KHDC1: variants seen among roughly 807,000 people sequenced by gnomAD.
The protein encoded by KHDC1 is KH homology domain-containing protein 1.
KHDC1 carries 21 observed loss-of-function variants against 24.7 expected under a neutral mutation model. The observed-to-expected ratio is 0.85, with a 90% CI of 0.60 to 1.23. The LOEUF is 1.23. Among genes scored for constraint, KHDC1 ranks in the 50% most tolerant of loss-of-function variants. The probability of loss-of-function intolerance (pLI) is 0.00; values close to 1 mark genes in which losing one functional copy is unlikely to be tolerated. For missense variants in KHDC1, 274 were observed against 298.5 expected (o/e 0.92, Z 0.61); for synonymous variants, 98 against 111.7 (o/e 0.88, Z 0.77).
At chr6:73,268,796 C>G (rs931473305) in intron 2 of KHDC1, 1 of 152,742 alleles carries the variant, frequency 6.5e-6, no homozygotes, top group African/African-American at 2.4e-5. Flanking sequence ...GACTCAGGAG[C>G]CCAGCTGGCT....
intron 2 of KHDC1, among the ~76,000 whole-genome samples, chr6:73,244,237 G>C (rs1282324878): frequency 3.3e-5 from 5 of 152,190 alleles, no homozygotes; most frequent in Non-Finnish European, 7.3e-5. Flanking sequence ...AAAAAGTAGT[G>C]CCTTAGTTTC....
intron 2 of KHDC1, 83 bp downstream of exon 1, chr6:73,262,691 C>A: frequency 1.0e-6 from 1 of 973,184 alleles, no homozygotes; most frequent in Non-Finnish European, 1.2e-6. Flanking sequence ...TTTTACACTT[C>A]TTTGCAGCTC....
chr6:73,261,009 C>T (rs1350850087), intron 2 of KHDC1, among the ~76,000 whole-genome samples: 1 of 152,090 alleles, frequency 6.6e-6, no homozygotes, highest in African/African-American at 2.4e-5. Flanking sequence ...CATTTTTGTT[C>T]TATGAAACAT....
At chr6:73,260,489 T>A (rs1013267144) in intron 2 of KHDC1, among the ~76,000 whole-genome samples, 1 of 152,172 alleles carries the variant, frequency 6.6e-6, no homozygotes, top group Non-Finnish European at 1.5e-5. Flanking sequence ...TAAACTATTA[T>A]GCAAAAAAAG....
At chr6:73,309,806 C>A in exon 1 of KHDC1, 1 of 1,431,212 alleles carries the variant, frequency 7.0e-7, no homozygotes, top group South Asian at 1.3e-5. Context: ...CGGGAAGAGA[C>A]CAGACACCGA....
intron 2 of KHDC1, among the ~76,000 whole-genome samples, chr6:73,277,479 C>G (rs1767319102): frequency 6.6e-6 from 1 of 152,052 alleles, no homozygotes; most frequent in Admixed American, 6.6e-5. Context: ...AAAAACAGAA[C>G]AAGTCTGTCA....
chr6:73,247,573 C>T (rs183263271), intron 2 of KHDC1, among the ~76,000 whole-genome samples: 44 of 151,996 alleles, frequency 2.9e-4, no homozygotes, highest in East Asian at 9.8e-4. Context: ...ATCAAGTGGA[C>T]GGCCGGGCAC....
At position 73,264,072 on chromosome 6, in the gene KHDC1, G is replaced by A. The variant is rs137976993; in HGVS notation, c.207-21542C>T. 1.1e-3 allele frequency among the ~76,000 whole-genome samples: 170 copies of A among 152,238 alleles called. No homozygotes were observed. In the East Asian group the frequency reaches 0.016, roughly 14 times the overall value. ...AAATCAGCTGGGCATGGTGGTGCAC[G>A]CCTGTAGCCCAAGCTATATGGGAAG... On this transcript the variant is annotated intron_variant, in intron 2 of 4. Transcript: ENST00000370384.
At chr6:73,270,965 C>T (rs1468562307) in intron 2 of KHDC1, among the ~76,000 whole-genome samples, 3 of 152,086 alleles carry the variant, frequency 2.0e-5, no homozygotes, top group African/African-American at 4.8e-5. Flanking sequence ...GCTGGGATTA[C>T]AAGCGTGAGC....
exon 1 of KHDC1, chr6:73,309,622 G>A (rs1768041876): frequency 6.5e-7 from 1 of 1,549,692 alleles, no homozygotes; most frequent in Non-Finnish European, 8.7e-7. Flanking sequence ...TCTGGAGAAA[G>A]GGCCATCCAT....
intron 1 of KHDC1, chr6:73,299,323 C>A (rs1767819542): frequency 6.6e-6 from 1 of 152,300 alleles, no homozygotes; most frequent in Non-Finnish European, 1.5e-5. Context: ...GCAGCCGCCC[C>A]TGCTGAAGGG....
chr6:73,272,432 G>A (rs186109673), intron 2 of KHDC1, among the ~76,000 whole-genome samples: 4 of 151,450 alleles, frequency 2.6e-5, no homozygotes, highest in African/African-American at 9.7e-5. Flanking sequence ...ACCGCGCCCA[G>A]CCCTCCTACA....
intron 2 of KHDC1, chr6:73,291,902 C>G: frequency 3.7e-6 from 5 of 1,351,972 alleles, no homozygotes; most frequent in Non-Finnish European, 5.2e-6. Flanking sequence ...TGCACATGCA[C>G]CTCCTGAATC....
intron 1 of KHDC1, among the ~76,000 whole-genome samples, chr6:73,304,322 AG>A (rs1361833242): frequency 6.6e-6 from 1 of 152,236 alleles, no homozygotes; most frequent in Non-Finnish European, 1.5e-5. Context: ...AAAAAAGTAA[AG>A]GTACAATGTA....
chr6:73,263,916 G>A (rs1163780759), intron 2 of KHDC1, among the ~76,000 whole-genome samples: 2 of 152,158 alleles, frequency 1.3e-5, no homozygotes, highest in Non-Finnish European at 2.9e-5. Flanking sequence ...ACAAAAGGTC[G>A]GGCTGGGCAC....
intron 4 of KHDC1, 123 bp downstream of exon 3, chr6:73,241,932 A>T: frequency 8.7e-7 from 1 of 1,155,430 alleles, no homozygotes; most frequent in South Asian, 1.6e-5. Context: ...TTCCCAATGG[A>T]CTCTGGGAAG....
At chr6:73,242,648 T>A in intron 2 of KHDC1, 118 bp from the exon 2 acceptor site, 2 of 1,232,510 alleles carry the variant, frequency 1.6e-6, no homozygotes, top group Non-Finnish European at 2.3e-6. Context: ...TTGAACTACC[T>A]TAGGGTGGGT....
At position 73,291,938 on chromosome 6, in the gene KHDC1, C is replaced by T. The variant is rs971405706; in HGVS notation, c.206+60G>A. On this transcript the variant is annotated intron_variant, in intron 2 of 4. Coordinates refer to ENST00000370384, the Ensembl canonical transcript of KHDC1. ...TATTTTTAAAAATTTAATTCTCTAGCACAGACTCCCTTTTTTTGGTAAGAT... is the reference window on the plus strand; with the variant it reads ...TATTTTTAAAAATTTAATTCTCTAGTACAGACTCCCTTTTTTTGGTAAGAT... The T allele has an allele frequency of 1.3e-5, 20 of 1,581,308 alleles. No homozygotes were observed. The African/African-American group carries it at 1.5e-4, about 12-fold the overall frequency.
At chr6:73,242,739 A>G (rs964125993) in intron 2 of KHDC1, among the ~76,000 whole-genome samples, 1 of 152,170 alleles carries the variant, frequency 6.6e-6, no homozygotes, top group Non-Finnish European at 1.5e-5. Flanking sequence ...TGCCAAACTT[A>G]ATCATCTGAT....
Sources: allele counts gnomAD v4.1 joint callset (sites outside exome capture counted in the v4.1 genomes callset), GRCh38; gene constraint gnomAD v4.1.1; transcripts MANE v1.5; gene names NCBI Gene and HGNC (gene_info 2026-07-23, HGNC 2026-07-21).